The following SHANK1 variants were observed in gnomAD, a reference collection of about 807,000 sequenced individuals.
SHANK1 encodes the protein SH3 and multiple ankyrin repeat domains protein 1.
In SHANK1, 35 loss-of-function variants were observed where a neutral mutation model predicts 165.6. That is an observed-to-expected ratio of 0.21 (90% confidence interval 0.16 to 0.28). The LOEUF is 0.28. Among genes scored for constraint, SHANK1 ranks in the 10% least tolerant of loss-of-function variants. The pLI is 1.00. For synonymous variants in SHANK1, 1,428 were observed against 1,384.8 expected (o/e 1.03, Z -0.69); for missense variants, 2,681 against 3,036.4 (o/e 0.88, Z 2.75).
intron 4 of SHANK1, among the ~76,000 whole-genome samples, chr19:50,714,670 G>A (rs1403535057): frequency 1.5e-5 from 2 of 133,014 alleles, no homozygotes; most frequent in African/African-American, 5.9e-5. Context: ...CAGCCCGGGT[G>A]ACAGAGCAAG....
In SHANK1 at chr19:50,670,792, TTTTTC is replaced by T. The variant is rs910093491; in HGVS notation, c.2674+1221_2674+1225del. Among the ~76,000 whole-genome samples the T allele has an allele frequency of 1.3e-5, 2 of 152,050 alleles. No individual in the cohort carries two copies. Among genetic ancestry groups the T allele is most frequent in the Non-Finnish European group, 2.9e-5 (2 of 67,998 alleles). ...TCCCCACTTCATCTCTAGGTGTTTT[TTTTTC>T]TTTTCTTTTTTTTTGAGACAGAGTC... On this transcript the variant is annotated intron_variant, in intron 22 of 23. Transcript: ENST00000293441. This position sits in a 1 kb window ranked among gnomAD's most constrained non-coding sequence, Gnocchi z 4.1.
At chr19:50,701,069 C>G (rs1986899831) in intron 12 of SHANK1, among the ~76,000 whole-genome samples, 1 of 152,082 alleles carries the variant, frequency 6.6e-6, no homozygotes, top group Non-Finnish European at 1.5e-5. Flanking sequence ...TGTTCTGACC[C>G]CCGAATACCC....
chr19:50,670,802 C>CT lies in SHANK1; in HGVS notation c.2674+1215dup, dbSNP rs1484829980. On this transcript the variant is annotated intron_variant, in intron 22 of 23. Coordinates refer to ENST00000293441, the MANE Select transcript of SHANK1 (RefSeq NM_016148.5). This position sits in a 1 kb window ranked among gnomAD's most constrained non-coding sequence, Gnocchi z 4.1. ...ATCTCTAGGTGTTTTTTTTTCTTTT[C>CT]TTTTTTTTTGAGACAGAGTCTCGCT... Among the ~76,000 whole-genome samples the CT allele has an allele frequency of 6.0e-5, 9 of 150,830 alleles. No individual in the cohort carries two copies. The highest frequency in any genetic ancestry group is 2.1e-4 in the South Asian group (1 of 4,704).
chr19:50,704,145 G>T lies in SHANK1; in HGVS notation c.1197C>A (p.Ile399=). 1 of 1,610,816 alleles carries T rather than the reference G, an allele frequency of 6.2e-7. No homozygotes were observed. The highest frequency in any genetic ancestry group is 2.2e-5 in the East Asian group (1 of 44,652). ...IAGNFELGEL[I]RNHREQDVVP... is the part of the protein sequence containing the mutation. ...CCACATCCTGTTCTCGGTGGTTTCGGATCAGCTCCCCCAGCTCAAAATTCC... is the reference window on the plus strand; with the variant it reads ...CCACATCCTGTTCTCGGTGGTTTCGTATCAGCTCCCCCAGCTCAAAATTCC... Residue 399 remains isoleucine, a synonymous_variant, in exon 10 of 24, where the codon ATC becomes ATA. Transcript: ENST00000293441.
chr19:50,686,379 G>T lies in SHANK1; in HGVS notation c.2459-24C>A. 1.4e-6 allele frequency: 2 copies of T among 1,477,978 alleles called. No individual in the cohort carries two copies. The highest frequency in any genetic ancestry group is 2.5e-5 in the South Asian group (2 of 81,346). The allele number at this position is 1,477,978 out of a possible 1,614,324, so 91.6% of individuals were successfully genotyped here. A position where few individuals can be genotyped will look rare whatever the true frequency, so the allele number is the denominator to read the frequency against. Reference sequence around the variant, plus strand: ...GTCTAGGGGTAGATGAATGAACAGAGGTGGGAAGACAATGAAATGAAGTTT... The same window carrying T: ...GTCTAGGGGTAGATGAATGAACAGATGTGGGAAGACAATGAAATGAAGTTT... On this transcript the variant is annotated intron_variant, in intron 20 of 23. Coordinates refer to ENST00000293441, the MANE Select transcript of SHANK1 (RefSeq NM_016148.5). The surrounding 1 kb of genome is among the most constrained non-coding windows in gnomAD (Gnocchi z 5.7).
Position 50,713,779 on chromosome 19 carries a change from G to A in SHANK1, c.792+19C>T, listed in dbSNP as rs2089036528. The A allele has an allele frequency of 1.2e-6, 2 of 1,610,868 alleles. No individual in the cohort carries two copies. The highest frequency in any genetic ancestry group is 1.7e-6 in the Non-Finnish European group (2 of 1,178,712). ...AGAGAGGGCCCCATGGCGGGGATGGGGGGTCCCCGAAGCCTCACCGTGAGT... is the reference window on the plus strand; with the variant it reads ...AGAGAGGGCCCCATGGCGGGGATGGAGGGTCCCCGAAGCCTCACCGTGAGT... On this transcript the variant is annotated intron_variant, in intron 6 of 23. Coordinates refer to ENST00000293441, the MANE Select transcript of SHANK1 (RefSeq NM_016148.5). The surrounding 1 kb of genome is among the most constrained non-coding windows in gnomAD (Gnocchi z 6.2).
chr19:50,714,264 A>G lies in SHANK1; in HGVS notation c.558T>C (p.Tyr186=), dbSNP rs1396833663. The change falls in exon 5 of 24, where the codon TAT becomes TAC. Residue 186 remains tyrosine (Y), a synonymous_variant. Transcript: ENST00000293441. ...TKTGLKKFLE[Y]VQLGTSDKVA... ...CCTTGTCAGATGTCCCGAGCTGCAC[A>G]TACTCCAGGAACTTCTTCAACCCCG... The G allele has an allele frequency of 1.9e-6, 3 of 1,614,040 alleles. No individual in the cohort carries two copies. Among genetic ancestry groups the G allele is most frequent in the Non-Finnish European group, 2.5e-6 (3 of 1,180,034 alleles).
chr19:50,711,510 G>A (rs1437883817), intron 7 of SHANK1, 23 bp from the exon 8 acceptor site: 2 of 1,531,080 alleles, frequency 1.3e-6, no homozygotes, highest in Non-Finnish European at 8.9e-7. Context: ...GGGAGCGAGG[G>A]GCATGGATCA....
intron 8 of SHANK1, among the ~76,000 whole-genome samples, chr19:50,709,253 C>T (rs1231603284): frequency 2.0e-5 from 3 of 152,036 alleles, no homozygotes; most frequent in Non-Finnish European, 4.4e-5. Flanking sequence ...ATTCTCCTGT[C>T]TCAGCCTCCC....
rs2089115649 is a variant in SHANK1, at chr19:50,719,709, G to A, written c.-347C>T. 6.7e-6 allele frequency among the ~76,000 whole-genome samples: 1 copy of A among 149,076 alleles called. No homozygotes were observed. The highest frequency in any genetic ancestry group is 1.5e-5 in the Non-Finnish European group (1 of 66,842). On this transcript the variant is annotated 5_prime_UTR_variant, in exon 1 of 24. Coordinates refer to ENST00000293441, the MANE Select transcript of SHANK1 (RefSeq NM_016148.5). Reference sequence around the variant, plus strand: ...GGCTCCGGGCGCCGCGTCTCCGCCTGCTCTTCCTCCTCCTCTTCCTCGGGC... The same window carrying A: ...GGCTCCGGGCGCCGCGTCTCCGCCTACTCTTCCTCCTCCTCTTCCTCGGGC...
In SHANK1 at chr19:50,686,946, G is replaced by C. The variant is rs1352126751; in HGVS notation, c.2390-134C>G. 5.9e-6 allele frequency: 8 copies of C among 1,348,620 alleles called. No individual in the cohort carries two copies. Among genetic ancestry groups the C allele is most frequent in the Non-Finnish European group, 7.9e-6 (8 of 1,012,698 alleles). The allele number at this position is 1,348,620 out of a possible 1,614,324, so 83.5% of individuals were successfully genotyped here. A position where few individuals can be genotyped will look rare whatever the true frequency, so the allele number is the denominator to read the frequency against. ...GCGAGAGGGGCAGTGAGGGGCCGGG[G>C]TCAGGGAGGGGCGAGTCCGCCGGCG... On this transcript the variant is annotated intron_variant, in intron 19 of 23. Coordinates refer to ENST00000293441, the MANE Select transcript of SHANK1 (RefSeq NM_016148.5). This position sits in a 1 kb window ranked among gnomAD's most constrained non-coding sequence, Gnocchi z 5.7.
chr19:50,703,481 C>A lies in SHANK1; in HGVS notation c.1553+19G>T. ...TTTGACGGGGCTGGGGACTGTGGAG[C>A]CAGGGCTGCCTCCCCTACCTGGGCC... On this transcript the variant is annotated intron_variant, in intron 11 of 23. Transcript: ENST00000293441. 6.5e-7 allele frequency: 1 copy of A among 1,527,732 alleles called. No homozygotes were observed. Among genetic ancestry groups the A allele is most frequent in the Non-Finnish European group, 8.8e-7 (1 of 1,140,764 alleles). 94.6% of individuals were successfully genotyped at this position (1,527,732 alleles called of 1,614,324 possible). A position where few individuals can be genotyped will look rare whatever the true frequency, so the allele number is the denominator to read the frequency against.
chr19:50,697,143 G>C lies in SHANK1; in HGVS notation c.1938-21C>G, dbSNP rs371403358. 8.3e-5 allele frequency: 134 copies of C among 1,613,362 alleles called. No individual in the cohort carries two copies. The highest frequency in any genetic ancestry group is 1.1e-4 in the Non-Finnish European group (131 of 1,179,924). Reference sequence around the variant, plus strand: ...TTAAGCTTCCGAAGCAAGTCAGCCAGCAGCCAGGGAGGGGAAAGGTGTCAG... The same window carrying C: ...TTAAGCTTCCGAAGCAAGTCAGCCACCAGCCAGGGAGGGGAAAGGTGTCAG... On this transcript the variant is annotated intron_variant, in intron 14 of 23. Coordinates refer to ENST00000293441, the MANE Select transcript of SHANK1 (RefSeq NM_016148.5). This position sits in a 1 kb window ranked among gnomAD's most constrained non-coding sequence, Gnocchi z 4.7.
At chr19:50,689,867 T>A (rs1473173707) in intron 15 of SHANK1, among the ~76,000 whole-genome samples, 40 of 152,290 alleles carry the variant, frequency 2.6e-4, no homozygotes, top group Admixed American at 2.6e-3. Context: ...TCAAAATTCC[T>A]TTATACATAT....
chr19:50,666,977 TG>T lies in SHANK1; in HGVS notation c.4982del (p.Pro1661HisfsTer37). The T allele has an allele frequency of 6.3e-7, 1 of 1,581,826 alleles. No individual in the cohort carries two copies. On this transcript the variant is annotated frameshift_variant, in exon 23 of 24. Transcript: ENST00000293441. LOFTEE classifies it high-confidence loss of function. ...PAPAAPAPAA[P>X]QPGPDPPPGT... ...CAGGCGGAGGGTCCGGGCCAGGCTG[TG>T]GGGCAGCGGGAGCCGGTGCTGCTGG...
rs1299959680 is a variant in SHANK1, at chr19:50,718,422, T to C, written c.-44+984A>G. ...CAGCCTCAACCCCGCTCGGAGGGGG[T>C]GGCCGGTGGGATGAAAGAAAAGCTG... On this transcript the variant is annotated intron_variant, in intron 1 of 23. Transcript: ENST00000293441. This position sits in a 1 kb window ranked among gnomAD's most constrained non-coding sequence, Gnocchi z 5.1. Among the ~76,000 whole-genome samples, 3 of 150,124 alleles carry C rather than the reference T, an allele frequency of 2.0e-5. No homozygotes were observed. The highest frequency in any genetic ancestry group is 4.9e-5 in the African/African-American group (2 of 40,566).
chr19:50,714,473 C>T (rs11880981), intron 4 of SHANK1, among the ~76,000 whole-genome samples, 183 bp from the exon 5 acceptor site: 8,726 of 152,146 alleles, frequency 0.057, 819 homozygotes, highest in African/African-American at 0.2. Context: ...GGGAGGATCA[C>T]TTGGGCCCAG....
chr19:50,687,102 C>T (rs1986369501), intron 19 of SHANK1: 4 of 1,243,982 alleles, frequency 3.2e-6, no homozygotes, highest in East Asian at 6.1e-5. Flanking sequence ...AGGTGAGGGG[C>T]CCCCTGTCTG....
chr19:50,698,212 G>C (rs1263079008), intron 12 of SHANK1, among the ~76,000 whole-genome samples: 2 of 152,110 alleles, frequency 1.3e-5, no homozygotes, highest in Non-Finnish European at 2.9e-5. Flanking sequence ...TCCTAGGTTA[G>C]AGGCAGGTCC....
Sources: allele counts gnomAD v4.1 joint callset (sites outside exome capture counted in the v4.1 genomes callset), GRCh38; gene constraint gnomAD v4.1.1; non-coding constraint Gnocchi (gnomAD v3.1); transcripts MANE v1.5; gene names NCBI Gene and HGNC (gene_info 2026-07-23, HGNC 2026-07-21).